LIPC: variants seen among roughly 807,000 people sequenced by gnomAD.
LIPC encodes the protein hepatic triacylglycerol lipase.
In LIPC, 44 loss-of-function variants were observed where a neutral mutation model predicts 50.7. The ratio of observed to expected loss-of-function variants is 0.87; its 90% CI spans 0.68 to 1.11. LIPC has a LOEUF of 1.11. LIPC is among the 50% of genes most tolerant of loss of function. The probability of loss-of-function intolerance (pLI) is 0.00; values close to 1 mark genes in which losing one functional copy is unlikely to be tolerated. For missense variants in LIPC, 697 were observed against 648.2 expected, an observed-to-expected ratio of 1.08 and a Z score of -0.82; for synonymous variants, 271 against 256.4, an observed-to-expected ratio of 1.06 and a Z score of -0.54.
chr15:58,494,788 G>A (rs1350975555), intron 1 of LIPC: 2 of 456,220 alleles, frequency 4.4e-6, no homozygotes, highest in South Asian at 3.1e-5. Context: ...TGCACATAAG[G>A]AATCTGGAGT....
intron 1 of LIPC, among the ~76,000 whole-genome samples, chr15:58,534,833 T>A (rs1457175347): frequency 6.6e-6 from 1 of 152,228 alleles, no homozygotes; most frequent in African/African-American, 2.4e-5. Flanking sequence ...TTTATTGTTT[T>A]ACTGCCCTTA....
At chr15:58,479,363 T>C (rs1362650046) in intron 1 of LIPC, among the ~76,000 whole-genome samples, 1 of 152,240 alleles carries the variant, frequency 6.6e-6, no homozygotes, top group Non-Finnish European at 1.5e-5. Flanking sequence ...ATAAAGATCA[T>C]TGAAATGTGA....
chr15:58,552,252 C>T (rs1893787903), intron 6 of LIPC, among the ~76,000 whole-genome samples: 2 of 152,202 alleles, frequency 1.3e-5, no homozygotes, highest in Non-Finnish European at 2.9e-5. Flanking sequence ...CCCATTTGAT[C>T]CTCACAGCAA....
chr15:58,450,675 CTAT>C (rs1893868862), intron 1 of LIPC, among the ~76,000 whole-genome samples: 1 of 152,194 alleles, frequency 6.6e-6, no homozygotes, highest in Admixed American at 6.5e-5. Flanking sequence ...TGGTGGTCTG[CTAT>C]ACCTAGGTAC....
At chr15:58,433,822 C>A (rs2140620637) in intron 1 of LIPC, among the ~76,000 whole-genome samples, 1 of 152,282 alleles carries the variant, frequency 6.6e-6, no homozygotes, top group Admixed American at 6.5e-5. Context: ...CAAGAGGGTT[C>A]CTCAGAAAAG....
In LIPC at chr15:58,449,066, G is replaced by T. The variant is rs542665128; in HGVS notation, c.88+16946G>T. The stretch of plus-strand genomic sequence containing the variant: ...GCTAGGTGCACACGACGGGCAGTGG[G>T]GGCTCAAACACAGGTGGGAGCCCAG... On this transcript the variant is annotated intron_variant, in intron 1 of 8. Transcript: ENST00000299022. Among the ~76,000 whole-genome samples, 3 of 152,272 alleles carry T rather than the reference G, an allele frequency of 2.0e-5. No homozygotes were observed. In the East Asian group the frequency reaches 5.8e-4, roughly 29 times the overall value.
intron 1 of LIPC, among the ~76,000 whole-genome samples, chr15:58,515,037 G>A (rs545454771): frequency 6.6e-6 from 1 of 152,130 alleles, no homozygotes; most frequent in South Asian, 2.1e-4. Flanking sequence ...GGCCACCTAC[G>A]TTCCTTGGCT....
chr15:58,494,183 G>A (rs1316256005), intron 1 of LIPC, among the ~76,000 whole-genome samples: 6 of 152,276 alleles, frequency 3.9e-5, no homozygotes, highest in Non-Finnish European at 8.8e-5. Flanking sequence ...AGAATCCCCA[G>A]AGAGAGCAAG....
chr15:58,563,305 A>G (rs1894232187), intron 7 of LIPC, among the ~76,000 whole-genome samples, 200 bp from the exon 8 acceptor site: 1 of 152,180 alleles, frequency 6.6e-6, no homozygotes, highest in South Asian at 2.1e-4. Context: ...TAGTTTTCGC[A>G]ATTTTATTAT....
chr15:58,533,873 A>G (rs563885675), intron 1 of LIPC, among the ~76,000 whole-genome samples: 213 of 152,348 alleles, frequency 1.4e-3, no homozygotes, highest in Non-Finnish European at 2.5e-3. Context: ...TACAATGAGC[A>G]TCCCTTAATT....
intron 1 of LIPC, among the ~76,000 whole-genome samples, chr15:58,439,461 T>C (rs1595846717): frequency 6.6e-6 from 1 of 152,224 alleles, no homozygotes; most frequent in Admixed American, 6.5e-5. Context: ...TTGTTTTTCC[T>C]GAGACGGAGT....
chr15:58,555,387 T>C (rs1893903736), intron 6 of LIPC, among the ~76,000 whole-genome samples: 1 of 152,116 alleles, frequency 6.6e-6, no homozygotes, highest in South Asian at 2.1e-4. Flanking sequence ...GGTGGCTTCA[T>C]TAGAAGCAGG....
At chr15:58,494,987 C>T (rs550391016) in intron 1 of LIPC, 311 of 417,846 alleles carry the variant, frequency 7.4e-4, no homozygotes, top group Middle Eastern at 3.5e-3. Context: ...CAACATCAAC[C>T]GTTCCACCGG....
intron 1 of LIPC, among the ~76,000 whole-genome samples, chr15:58,519,996 G>A (rs980058213): frequency 4.6e-5 from 7 of 151,990 alleles, no homozygotes; most frequent in Non-Finnish European, 1.0e-4. Flanking sequence ...CAAATGCAAG[G>A]GTGCGTAGAA....
At chr15:58,543,681 G>A (rs1365483523) in intron 4 of LIPC, among the ~76,000 whole-genome samples, 1 of 152,114 alleles carries the variant, frequency 6.6e-6, no homozygotes, top group African/African-American at 2.4e-5. Context: ...TTGTTGCCCA[G>A]GCTGGTGTGC....
In LIPC at chr15:58,489,206, T is replaced by TCAAC. The variant is rs1421965043; in HGVS notation, c.89-49125_89-49124insACCA. On this transcript the variant is annotated intron_variant, in intron 1 of 8. Transcript: ENST00000299022. Reference sequence around the variant, plus strand: ...GGCCTGAAATTCAACCATTAGGGATTCATTTTGTTGCGGGGGCGGGGGGGC... The same window carrying TCAAC: ...GGCCTGAAATTCAACCATTAGGGATTCAACCATTTTGTTGCGGGGGCGGGGGGGC... Among the ~76,000 whole-genome samples, 18 of 38,316 alleles carry TCAAC rather than the reference T, an allele frequency of 4.7e-4. 1 individual carries two copies. Among genetic ancestry groups the TCAAC allele is most frequent in the Middle Eastern group, 0.011 (1 of 94 alleles). 25.1% of individuals were successfully genotyped at this position (38,316 alleles called of 152,430 possible).
chr15:58,567,200 C>CAAAAAAA (rs780744817), intron 8 of LIPC, among the ~76,000 whole-genome samples: 1 of 88,650 alleles, frequency 1.1e-5, no homozygotes, highest in Non-Finnish European at 2.3e-5. Context: ...GACTCCGTCT[C>CAAAAAAA]AAAAAAAATA....
intron 8 of LIPC, among the ~76,000 whole-genome samples, chr15:58,567,237 ATG>A (rs200390997): frequency 1.3e-4 from 18 of 137,240 alleles, no homozygotes; most frequent in African/African-American, 3.4e-4. Flanking sequence ...ATATGTATAT[ATG>A]TGTGTGTGTG....
intron 1 of LIPC, among the ~76,000 whole-genome samples, chr15:58,495,729 G>A (rs1300628875): frequency 6.6e-6 from 1 of 152,170 alleles, no homozygotes; most frequent in Non-Finnish European, 1.5e-5. Flanking sequence ...ACGCTGTCTT[G>A]GGACTGGATT....
Sources: allele counts gnomAD v4.1 joint callset (sites outside exome capture counted in the v4.1 genomes callset), GRCh38; gene constraint gnomAD v4.1.1; transcripts MANE v1.5; gene names NCBI Gene and HGNC (gene_info 2026-07-23, HGNC 2026-07-21).